Variants in DLGAP2 observed in about 807,000 individuals in gnomAD.
DLGAP2 encodes the protein DLG associated protein 2.
Under a neutral mutation model 100.3 loss-of-function variants are expected in DLGAP2, and 26 were observed. That is an observed-to-expected ratio of 0.26 (90% CI 0.19 to 0.36). The LOEUF (loss-of-function observed/expected upper bound fraction) is 0.36. Ranked by LOEUF, DLGAP2 falls within the 10% of genes least tolerant of loss-of-function variation. DLGAP2 has a pLI of 1.00. For synonymous variants in DLGAP2, 886 were observed against 630.1 expected, an observed-to-expected ratio of 1.41 and a Z score of -6.08; for missense variants, 1,858 against 1,453.2, an observed-to-expected ratio of 1.28 and a Z score of -4.53.
At chr8:1,602,274 T>A (rs752272561) in intron 6 of DLGAP2, among the ~76,000 whole-genome samples, 1 of 152,214 alleles carries the variant, frequency 6.6e-6, no homozygotes, top group African/African-American at 2.4e-5. Flanking sequence ...TTAATGACAT[T>A]CTAGTAGAAA....
In DLGAP2 at chr8:1,702,833, A is replaced by T. The variant is rs1404418454; in HGVS notation, c.*1427A>T. 6.6e-6 allele frequency: 1 copy of T among 152,632 alleles called. No individual in the cohort carries two copies. Among genetic ancestry groups the T allele is most frequent in the Non-Finnish European group, 1.5e-5 (1 of 68,052 alleles). 9.5% of individuals were successfully genotyped at this position (152,632 alleles called of 1,614,324 possible). A position where few individuals can be genotyped will look rare whatever the true frequency, so the allele number is the denominator to read the frequency against. Reference sequence around the variant, plus strand: ...GTTTCAGAGTTCTCATTATTACTCAAAGTAAAAGCGGACTGCGATTTAAGA... The same window carrying T: ...GTTTCAGAGTTCTCATTATTACTCATAGTAAAAGCGGACTGCGATTTAAGA... On this transcript the variant is annotated 3_prime_UTR_variant, in exon 15 of 15. Transcript: ENST00000637795.
intron 3 of DLGAP2, among the ~76,000 whole-genome samples, chr8:1,407,412 C>G (rs1333844517): frequency 2.4e-5 from 3 of 126,300 alleles, no homozygotes; most frequent in Admixed American, 1.5e-4. Context: ...TTACTGAGCG[C>G]CACCTCCTTG....
intron 4 of DLGAP2, among the ~76,000 whole-genome samples, chr8:1,533,550 T>C (rs1166759311): frequency 6.6e-6 from 1 of 152,060 alleles, no homozygotes; most frequent in Non-Finnish European, 1.5e-5. Flanking sequence ...CTGTGTGCAC[T>C]GATGGCAATA....
intron 3 of DLGAP2, among the ~76,000 whole-genome samples, chr8:1,327,464 G>C (rs1801047195): frequency 6.6e-6 from 1 of 152,212 alleles, no homozygotes; most frequent in African/African-American, 2.4e-5. Flanking sequence ...TCGTCATTTA[G>C]TTATTGCTTG....
intron 2 of DLGAP2, among the ~76,000 whole-genome samples, chr8:950,876 A>C (rs11779354): frequency 6.6e-6 from 1 of 151,412 alleles, no homozygotes; most frequent in East Asian, 2.0e-4. Flanking sequence ...CACCCGCCTC[A>C]ACTTCCCAAA....
chr8:988,792 A>G (rs985040802), intron 2 of DLGAP2, among the ~76,000 whole-genome samples: 1 of 151,956 alleles, frequency 6.6e-6, no homozygotes, highest in Non-Finnish European at 1.5e-5. Flanking sequence ...TGGTGAGTGC[A>G]TGGCTCTCCT....
chr8:1,256,556 CCTT>C (rs1799224540), intron 2 of DLGAP2, among the ~76,000 whole-genome samples: 1 of 129,766 alleles, frequency 7.7e-6, no homozygotes, highest in African/African-American at 4.1e-5. Flanking sequence ...GTGTGTGTGT[CCTT>C]TCCTGCCCGG....
intron 3 of DLGAP2, chr8:1,381,310 A>T (rs983859716): frequency 3.3e-5 from 5 of 152,224 alleles, no homozygotes; most frequent in African/African-American, 9.6e-5. Flanking sequence ...ATACTAGCCA[A>T]TGTTAGCAAA....
intron 2 of DLGAP2, among the ~76,000 whole-genome samples, chr8:1,051,094 A>AGG (rs1802673013): frequency 2.5e-5 from 1 of 39,962 alleles, no homozygotes; most frequent in Non-Finnish European, 5.0e-5. Context: ...TTTTGTGGGC[A>AGG]GGGGGTCATT....
Position 849,061 on chromosome 8 carries a change from G to A in DLGAP2, c.19-58851G>A, listed in dbSNP as rs137945810. ...CCTGTTCCAGTATAGGATGTGCCGT[G>A]TCTGTTCCAGTATAGAATCTTGTGG... On this transcript the variant is annotated intron_variant, in intron 1 of 14. Coordinates refer to ENST00000637795, the MANE Select transcript of DLGAP2 (RefSeq NM_001346810.2). 3.7e-3 allele frequency among the ~76,000 whole-genome samples: 562 copies of A among 152,046 alleles called. 2 individuals carry two copies. Among genetic ancestry groups the A allele is most frequent in the African/African-American group, 0.013 (539 of 41,466 alleles).
chr8:1,426,410 G>A (rs1206758011), intron 3 of DLGAP2, among the ~76,000 whole-genome samples: 1 of 152,152 alleles, frequency 6.6e-6, no homozygotes, highest in African/African-American at 2.4e-5. Flanking sequence ...ACAGCATGAA[G>A]CAGGAGCCCA....
chr8:1,224,775 G>A (rs1798381339), intron 2 of DLGAP2, among the ~76,000 whole-genome samples: 1 of 152,180 alleles, frequency 6.6e-6, no homozygotes, highest in Admixed American at 6.5e-5. Flanking sequence ...TGAGCAAGGG[G>A]ACTGGATGGA....
chr8:1,235,376 C>G (rs1199887412), intron 2 of DLGAP2, among the ~76,000 whole-genome samples: 1 of 151,330 alleles, frequency 6.6e-6, no homozygotes, highest in East Asian at 2.0e-4. Flanking sequence ...GTCTAGTTCC[C>G]TCACACATGG....
At chr8:1,151,599 C>T (rs775468124) in intron 2 of DLGAP2, among the ~76,000 whole-genome samples, 2 of 152,126 alleles carry the variant, frequency 1.3e-5, no homozygotes, top group Admixed American at 1.3e-4. Context: ...GGCACCTTCG[C>T]AAGGGGAAAT....
At chr8:1,621,187 C>T (rs570955810) in intron 6 of DLGAP2, 4 of 152,214 alleles carry the variant, frequency 2.6e-5, no homozygotes, top group African/African-American at 9.7e-5. Context: ...TTTGGGAAGC[C>T]TTTGGTGGCA....
intron 2 of DLGAP2, among the ~76,000 whole-genome samples, chr8:963,559 C>G (rs1225922219): frequency 6.6e-6 from 1 of 152,148 alleles, no homozygotes; most frequent in African/African-American, 2.4e-5. Context: ...TTCCTCTCAA[C>G]ACAACGTAAG....
chr8:970,481 C>T (rs1016891935), intron 2 of DLGAP2, among the ~76,000 whole-genome samples: 1 of 152,168 alleles, frequency 6.6e-6, no homozygotes, highest in African/African-American at 2.4e-5. Context: ...ATGACTTTCC[C>T]TTGCCATCTG....
At chr8:1,234,981 GCATAGCATCGTGTCTAGTTCTCTCACA>G (rs1424804230) in intron 2 of DLGAP2, among the ~76,000 whole-genome samples, 5 of 102,394 alleles carry the variant, frequency 4.9e-5, no homozygotes, top group African/African-American at 1.7e-4. Context: ...GTTCTCTCAC[GCATAGCATCGTGTCTAGTTCTCTCACA>G]CATAGCGTTG....
chr8:845,343 G>A (rs1337739617), intron 1 of DLGAP2, among the ~76,000 whole-genome samples: 4 of 152,194 alleles, frequency 2.6e-5, no homozygotes, highest in Non-Finnish European at 2.9e-5. Flanking sequence ...CCTAAGTGGT[G>A]TGAAGGGTAT....
Sources: gnomAD v4.1 joint callset for allele counts (sites outside exome capture counted in the v4.1 genomes callset) on GRCh38, gnomAD v4.1.1 for gene constraint, MANE v1.5 for transcripts, NCBI Gene and HGNC (gene_info 2026-07-23, HGNC 2026-07-21) for gene names.